PHKB: variants seen among roughly 807,000 people sequenced by gnomAD.
PHKB encodes phosphorylase b kinase regulatory subunit beta.
PHKB carries 122 observed loss-of-function variants against 152.1 expected under a neutral mutation model. The ratio of observed to expected loss-of-function variants is 0.80; its 90% CI spans 0.69 to 0.93. The LOEUF is 0.93. Ranked by LOEUF, PHKB falls within the 40% of genes least tolerant of loss-of-function variation. The pLI is 0.00. For missense variants in PHKB, 1,304 were observed against 1,328.4 expected (o/e 0.98, Z 0.29); for synonymous variants, 436 against 464.9 (o/e 0.94, Z 0.80).
intron 20 of PHKB, among the ~76,000 whole-genome samples, chr16:47,653,874 G>T (rs1973283731): frequency 6.6e-6 from 1 of 152,152 alleles, no homozygotes. Flanking sequence ...CAGTGGAGTA[G>T]AGCTTTTGGC....
At chr16:47,543,734 T>C (rs1297955798) in intron 6 of PHKB, among the ~76,000 whole-genome samples, 3 of 152,242 alleles carry the variant, frequency 2.0e-5, no homozygotes, top group African/African-American at 2.4e-5. Context: ...CATGGGAGGC[T>C]GTAGGTCTCC....
chr16:47,664,831 G>A (rs1033430623), intron 24 of PHKB, 54 bp from the exon 25 acceptor site: 1 of 1,115,892 alleles, frequency 9.0e-7, no homozygotes. Context: ...AAGAACTCCT[G>A]GAAGTTTTAT....
intron 1 of PHKB, among the ~76,000 whole-genome samples, chr16:47,490,977 A>G (rs1021735877): frequency 1.3e-5 from 2 of 152,214 alleles, no homozygotes; most frequent in African/African-American, 4.8e-5. Context: ...ACCCTAGCCA[A>G]TACTTTACAT....
chr16:47,570,502 TCTGA>T (rs1412067059), intron 7 of PHKB, among the ~76,000 whole-genome samples: 1 of 152,180 alleles, frequency 6.6e-6, no homozygotes, highest in Non-Finnish European at 1.5e-5. Flanking sequence ...TTAATTTTTG[TCTGA>T]CTGGTTTAAT....
chr16:47,562,852 A>G (rs1971499218), intron 7 of PHKB, among the ~76,000 whole-genome samples: 1 of 152,230 alleles, frequency 6.6e-6, no homozygotes, highest in Admixed American at 6.5e-5. Context: ...AATCAGAGTC[A>G]GTCCTCCCAA....
intron 14 of PHKB, among the ~76,000 whole-genome samples, chr16:47,613,516 A>G (rs1972464625): frequency 6.6e-6 from 1 of 152,046 alleles, no homozygotes; most frequent in Non-Finnish European, 1.5e-5. Flanking sequence ...GTTAGTGCCA[A>G]CTCTCTGGAC....
At chr16:47,572,347 G>A (rs1971675449) in intron 7 of PHKB, among the ~76,000 whole-genome samples, 1 of 152,176 alleles carries the variant, frequency 6.6e-6, no homozygotes, top group Non-Finnish European at 1.5e-5. Flanking sequence ...TTTCTCTTAT[G>A]TGCATGTTGT....
intron 7 of PHKB, among the ~76,000 whole-genome samples, chr16:47,578,492 C>T (rs1350562710): frequency 1.3e-5 from 2 of 152,122 alleles, no homozygotes; most frequent in Non-Finnish European, 2.9e-5. Context: ...GGGGTGAGGG[C>T]ACATCACCTC....
chr16:47,486,105 A>G (rs1409748302), intron 1 of PHKB, among the ~76,000 whole-genome samples: 1 of 152,144 alleles, frequency 6.6e-6, no homozygotes, highest in East Asian at 1.9e-4. Flanking sequence ...TCGTCTTCCA[A>G]TGTAGTATGG....
rs564984781 is a variant in PHKB at position 47,532,064 on chromosome 16, A to G, written c.595-15369A>G. Among the ~76,000 whole-genome samples the G allele has an allele frequency of 2.6e-5, 4 of 152,332 alleles. No individual in the cohort carries two copies. The South Asian group carries it at 8.3e-4, about 32-fold the overall frequency. ...TAAAGAACTATTACTTATCAATTTA[A>G]AAAACCCTCAATTTAAAAAACAGGA... is the stretch of plus-strand genomic sequence containing the variant. On this transcript the variant is annotated intron_variant, in intron 6 of 30. Coordinates refer to ENST00000323584, the MANE Select transcript of PHKB (RefSeq NM_000293.3).
At chr16:47,648,653 T>A in intron 17 of PHKB, 37 bp downstream of exon 17, 1 of 1,319,166 alleles carries the variant, frequency 7.6e-7, no homozygotes, top group South Asian at 1.2e-5. Flanking sequence ...AGTTTTTGGA[T>A]TCTAATACCG....
chr16:47,580,327 C>G lies in PHKB; in HGVS notation c.743C>G (p.Ala248Gly), dbSNP rs1249060365. 2.5e-6 allele frequency: 4 copies of G among 1,612,614 alleles called. No homozygotes were observed. In the South Asian group the frequency reaches 3.3e-5, roughly 13 times the overall value. ...SVGLAKAALE[A>G]INGFNLFGNQ... is the part of the protein sequence containing the mutation. ...GGTTTAGCAAAAGCAGCTCTAGAAG[C>G]AATTAATGGATTCAACCTTTTTGGC... Residue 248 changes from alanine (A) to glycine (G), a missense_variant, in exon 8 of 31, where the codon GCA (alanine) becomes GGA (glycine). Transcript: ENST00000323584.
intron 16 of PHKB, among the ~76,000 whole-genome samples, chr16:47,643,640 T>C (rs1044447221): frequency 1.3e-5 from 2 of 152,314 alleles, no homozygotes; most frequent in Non-Finnish European, 2.9e-5. Flanking sequence ...TACTAAGATA[T>C]ATTGCCTAGT....
rs542646243 is a variant in PHKB, at chr16:47,700,055, A to T, written c.*689A>T. 6.5e-6 allele frequency: 1 copy of T among 153,024 alleles called. No homozygotes were observed. The highest frequency in any genetic ancestry group is 2.4e-5 in the African/African-American group (1 of 41,444). The allele number at this position is 153,024 out of a possible 1,614,324, so 9.5% of individuals were successfully genotyped here. A position where few individuals can be genotyped will look rare whatever the true frequency, so the allele number is the denominator to read the frequency against. On this transcript the variant is annotated 3_prime_UTR_variant, in exon 31 of 31. Transcript: ENST00000323584. ...GACATGTCTATGATTGTTCAAAAAT[A>T]TGTTAAATTTAGGCTCAGCACAGTA...
At chr16:47,674,126 G>A (rs1973684370) in intron 26 of PHKB, among the ~76,000 whole-genome samples, 1 of 150,906 alleles carries the variant, frequency 6.6e-6, no homozygotes, top group South Asian at 2.1e-4. Flanking sequence ...TCAAGTTCAT[G>A]TAGTAACTAT....
chr16:47,498,895 C>G (rs140023271), intron 2 of PHKB, among the ~76,000 whole-genome samples: 203 of 152,066 alleles, frequency 1.3e-3, no homozygotes, highest in Admixed American at 3.1e-3. Flanking sequence ...AGAGTGAGAC[C>G]CTGTCTCAAA....
At chr16:47,589,618 T>G (rs530779210) in intron 10 of PHKB, among the ~76,000 whole-genome samples, 23 of 152,244 alleles carry the variant, frequency 1.5e-4, no homozygotes, top group Admixed American at 1.5e-3. Context: ...GTCCTCTAAA[T>G]GTTTAGTTTT....
intron 1 of PHKB, among the ~76,000 whole-genome samples, chr16:47,496,977 G>A (rs1970243385): frequency 6.6e-6 from 1 of 152,094 alleles, no homozygotes; most frequent in Non-Finnish European, 1.5e-5. Flanking sequence ...GGGTTTGGGG[G>A]TATGATTATT....
chr16:47,686,640 T>C lies in PHKB; in HGVS notation c.2631-2401T>C, dbSNP rs564586956. ...TTAAGTCTGTCTTTGCTTTTCATTATGAAGAATTTTAAGTATATAATGACT... is the reference window on the plus strand; with the variant it reads ...TTAAGTCTGTCTTTGCTTTTCATTACGAAGAATTTTAAGTATATAATGACT... On this transcript the variant is annotated intron_variant, in intron 26 of 30. Transcript: ENST00000323584. Among the ~76,000 whole-genome samples the C allele has an allele frequency of 2.0e-5, 3 of 152,336 alleles. No homozygotes were observed. In the South Asian group the frequency reaches 6.2e-4, roughly 32 times the overall value.
Sources: allele counts gnomAD v4.1 joint callset (sites outside exome capture counted in the v4.1 genomes callset), GRCh38; gene constraint gnomAD v4.1.1; transcripts MANE v1.5; gene names NCBI Gene and HGNC (gene_info 2026-07-23, HGNC 2026-07-21).